Variants in PDGFA observed in about 807,000 individuals in gnomAD.
PDGFA encodes the protein platelet-derived growth factor subunit A.
PDGFA carries 9 observed loss-of-function variants against 25.6 expected under a neutral mutation model. The ratio of observed to expected loss-of-function variants is 0.35; its 90% CI spans 0.21 to 0.61. The LOEUF (loss-of-function observed/expected upper bound fraction) is 0.61, where lower values mean the gene tolerates loss of function less well. Ranked by LOEUF, PDGFA falls within the 20% of genes least tolerant of loss-of-function variation. The pLI, the probability that PDGFA is intolerant of heterozygous loss-of-function variation, is 0.75. For missense variants in PDGFA, 242 were observed against 272.8 expected (o/e 0.89, Z 0.79); for synonymous variants, 133 against 111.8 (o/e 1.19, Z -1.20).
At chr7:501,138 C>T (rs758404992) in exon 5 of PDGFA, 25 of 1,614,066 alleles carry the variant, frequency 1.5e-5, no homozygotes, top group South Asian at 1.3e-4. Context: ...CCCGATAATC[C>T]GGATTCAGGC....
chr7:519,023 C>T, exon 1 of PDGFA: 1 of 1,521,054 alleles, frequency 6.6e-7, no homozygotes, highest in South Asian at 1.2e-5. Flanking sequence ...GCGCTGGCTG[C>T]TCGGAGGAGA....
exon 6 of PDGFA, chr7:498,321 T>TC (rs1491370671): frequency 0.024 from 4,606 of 191,926 alleles, 43 homozygotes; most frequent in African/African-American, 0.043. Context: ...TCTCTCTCTC[T>TC]TTCTCTCTCT....
chr7:507,154 C>T (rs1006231811), intron 4 of PDGFA, among the ~76,000 whole-genome samples: 3 of 152,248 alleles, frequency 2.0e-5, no homozygotes, highest in African/African-American at 4.8e-5. Context: ...TTTGTCCCCT[C>T]AGCCAAAGCC....
At chr7:501,587 A>C (rs1782341545) in intron 4 of PDGFA, among the ~76,000 whole-genome samples, 2 of 151,800 alleles carry the variant, frequency 1.3e-5, no homozygotes. Context: ...GCTAATTTTA[A>C]ATATTTTTTT....
chr7:505,471 G>C (rs1409846733), intron 4 of PDGFA, among the ~76,000 whole-genome samples: 4 of 152,208 alleles, frequency 2.6e-5, no homozygotes, highest in Non-Finnish European at 1.5e-5. Context: ...ACAAAGCCCA[G>C]AAGCTGCAGA....
chr7:505,416 G>A (rs1428877870), intron 4 of PDGFA, among the ~76,000 whole-genome samples: 1 of 152,156 alleles, frequency 6.6e-6, no homozygotes. Flanking sequence ...ACAACCCAGG[G>A]ATGCCGTCAC....
At position 517,319 on chromosome 7, in the gene PDGFA, C is replaced by CCCGAGGAGACCCCGCGAGCG; in HGVS notation, c.160+74_160+75insCGCTCGCGGGGTCTCCTCGG. The CCCGAGGAGACCCCGCGAGCG allele has an allele frequency of 1.8e-6, 1 of 559,182 alleles. No homozygotes were observed. The allele number at this position is 559,182 out of a possible 1,614,324, so 34.6% of individuals were successfully genotyped here. On this transcript the variant is annotated intron_variant, in intron 2 of 5. Transcript: ENST00000402802. This position sits in a 1 kb window ranked among gnomAD's most constrained non-coding sequence, Gnocchi z 7.4. The stretch of plus-strand genomic sequence containing the variant: ...CGGTGCGCTCCTGCGCGGCGCCCCG[C>CCCGAGGAGACCCCGCGAGCG]CCGGCCCCAGCTCGGGGCGCACAGG...
chr7:518,991 A>G, exon 1 of PDGFA: 1 of 1,539,804 alleles, frequency 6.5e-7, no homozygotes. Context: ...CAGGCAAGCC[A>G]AGGTCCTCAT....
chr7:510,659 G>A (rs1782767768), intron 4 of PDGFA, 150 bp downstream of exon 4: 8 of 454,634 alleles, frequency 1.8e-5, no homozygotes, highest in South Asian at 1.5e-4. Flanking sequence ...GGTGGTGGAT[G>A]CAGGAGGGAC....
intron 2 of PDGFA, chr7:512,716 C>A: frequency 1.5e-6 from 2 of 1,349,864 alleles, no homozygotes; most frequent in Non-Finnish European, 1.9e-6. Flanking sequence ...CATTCAGGGG[C>A]CCGTGACGAA....
rs530334266 is a variant in PDGFA at position 498,455 on chromosome 7, C to T, written c.*109G>A. The T allele has an allele frequency of 2.0e-5, 21 of 1,059,264 alleles. No homozygotes were observed. In the African/African-American group the frequency reaches 2.0e-4, roughly 10 times the overall value. 65.6% of individuals were successfully genotyped at this position (1,059,264 alleles called of 1,614,324 possible). ...GAGTGTTCTCGGACACAGTTTTTCA[C>T]GGAGGAGAACAAAGACCGCACACTG... is the stretch of plus-strand genomic sequence containing the variant. On this transcript the variant is annotated 3_prime_UTR_variant, in exon 6 of 6. Coordinates refer to ENST00000402802, the Ensembl canonical transcript of PDGFA.
Position 500,063 on chromosome 7 carries a change from G to GT in PDGFA, c.580+1052dup, listed in dbSNP as rs1279666263. 1.3e-5 allele frequency among the ~76,000 whole-genome samples: 2 copies of GT among 152,208 alleles called. No individual in the cohort carries two copies. The highest frequency in any genetic ancestry group is 2.9e-5 in the Non-Finnish European group (2 of 68,024). On this transcript the variant is annotated intron_variant, in intron 5 of 5. Coordinates refer to ENST00000402802, the Ensembl canonical transcript of PDGFA. This position sits in a 1 kb window ranked among gnomAD's most constrained non-coding sequence, Gnocchi z 5.0. ...TATCTGTAATCTCAGTTAAGCCTCA[G>GT]TTTTTTCATCTGTCAAATGGGGTGG...
chr7:498,574 T>C, exon 6 of PDGFA: 1 of 1,610,054 alleles, frequency 6.2e-7, no homozygotes, highest in Non-Finnish European at 8.5e-7. Flanking sequence ...TCACCTCACA[T>C]CTGCAGGGAG....
rs530212996 is a variant in PDGFA at position 503,080 on chromosome 7, C to T, written c.454-1838G>A. Among the ~76,000 whole-genome samples, 3 of 152,258 alleles carry T rather than the reference C, an allele frequency of 2.0e-5. No individual in the cohort carries two copies. The South Asian group carries it at 6.2e-4, about 32-fold the overall frequency. On this transcript the variant is annotated intron_variant, in intron 4 of 5. Transcript: ENST00000402802. Reference sequence around the variant, plus strand: ...CCAGCCCAAACCCCAGCACTCATTTCATCCTCCCAACCATGCTACAAGGAG... The same window carrying T: ...CCAGCCCAAACCCCAGCACTCATTTTATCCTCCCAACCATGCTACAAGGAG...
chr7:508,562 A>T (rs78883612), intron 4 of PDGFA, among the ~76,000 whole-genome samples: 43 of 134,474 alleles, frequency 3.2e-4, no homozygotes, highest in East Asian at 2.5e-3. Flanking sequence ...GCTGTCCCAA[A>T]AAAAAAAAAA....
rs756655278 is a variant in PDGFA at position 500,549 on chromosome 7, G to A, written c.580+567C>T. On this transcript the variant is annotated intron_variant, in intron 5 of 5. Transcript: ENST00000402802. This position sits in a 1 kb window ranked among gnomAD's most constrained non-coding sequence, Gnocchi z 5.0. ...GAGTGGGCCGAGGGACGGCCGTCGG[G>A]GTGAAGAACTGAAGCAACAAATACC... 6.2e-7 allele frequency: 1 copy of A among 1,613,070 alleles called. No homozygotes were observed. The highest frequency in any genetic ancestry group is 8.5e-7 in the Non-Finnish European group (1 of 1,179,896).
chr7:511,060 T>C (rs1782808681), intron 3 of PDGFA, 64 bp from the exon 4 acceptor site: 8 of 1,368,414 alleles, frequency 5.8e-6, no homozygotes, highest in Admixed American at 3.6e-5. Context: ...ACCCCAGGGC[T>C]GAGGCGGCTC....
At chr7:502,817 A>C (rs998782999) in intron 4 of PDGFA, among the ~76,000 whole-genome samples, 5 of 126,294 alleles carry the variant, frequency 4.0e-5, no homozygotes, top group Non-Finnish European at 9.6e-5. Flanking sequence ...CACATAATGC[A>C]CATATAGGCC....
chr7:508,302 T>C (rs756318153), intron 4 of PDGFA, among the ~76,000 whole-genome samples: 1 of 151,898 alleles, frequency 6.6e-6, no homozygotes, highest in Non-Finnish European at 1.5e-5. Flanking sequence ...AGTGACCCCA[T>C]ATTCCAGGAA....
Sources: gnomAD v4.1 joint callset for allele counts (sites outside exome capture counted in the v4.1 genomes callset) on GRCh38, gnomAD v4.1.1 for gene constraint, Gnocchi (gnomAD v3.1) non-coding constraint, MANE v1.5 for transcripts, NCBI Gene and HGNC (gene_info 2026-07-23, HGNC 2026-07-21) for gene names.